ATP13A2: variants seen among roughly 807,000 people sequenced by gnomAD.
The protein encoded by ATP13A2 is polyamine-transporting ATPase 13A2.
ATP13A2 carries 83 observed loss-of-function variants against 138.3 expected under a neutral mutation model. That is an observed-to-expected ratio of 0.60 (90% CI 0.50 to 0.72). The LOEUF is 0.72. Ranked by LOEUF, ATP13A2 falls within the 30% of genes least tolerant of loss-of-function variation. The pLI is 0.00. For synonymous variants in ATP13A2, 663 were observed against 699.0 expected, an observed-to-expected ratio of 0.95 and a Z score of 0.81; for missense variants, 1,402 against 1,606.4, an observed-to-expected ratio of 0.87 and a Z score of 2.17.
chr1:16,986,490 G>A lies in ATP13A2; in HGVS notation c.3378C>T (p.Leu1126=), dbSNP rs773914880. 24 of 1,612,436 alleles carry A rather than the reference G, an allele frequency of 1.5e-5. No homozygotes were observed. In the African/African-American group the frequency reaches 2.0e-4, roughly 13 times the overall value. ...FKLLLLGLVT[L]NFVGAFMLES... Reference sequence around the variant, plus strand: ...CCAGCATGAAGGCCCCCACGAAGTTGAGGGTGACCAGACCCAGCAGCAGCA... The same window carrying A: ...CCAGCATGAAGGCCCCCACGAAGTTAAGGGTGACCAGACCCAGCAGCAGCA... Residue 1126 remains leucine (L), a synonymous_variant, in exon 28 of 29, where the codon CTC becomes CTT. Transcript: ENST00000326735. The surrounding 1 kb of genome is among the most constrained non-coding windows in gnomAD (Gnocchi z 6.9).
chr1:16,998,434 C>T (rs1319594091), intron 11 of ATP13A2, among the ~76,000 whole-genome samples: 1 of 152,042 alleles, frequency 6.6e-6, no homozygotes, highest in African/African-American at 2.4e-5. Context: ...TCGAACTCCT[C>T]ACCTCAGGCA....
chr1:17,000,479 T>C lies in ATP13A2; in HGVS notation c.761A>G (p.Asp254Gly), dbSNP rs1557704196. Reference sequence around the variant, plus strand: ...GCACAGGGCGTACCAGTAGTAGTGGTCAGCCAGCCACAGCGCGATGCTGAA... The same window carrying C: ...GCACAGGGCGTACCAGTAGTAGTGGCCAGCCAGCCACAGCGCGATGCTGAA... ...QAFSIALWLA[D>G]HYYWYALCIF... The change falls in exon 9 of 29, where the codon GAC becomes GGC. Residue 254 changes from aspartate to glycine, a missense_variant. Transcript: ENST00000326735. 2 of 1,613,984 alleles carry C rather than the reference T, an allele frequency of 1.2e-6. No individual in the cohort carries two copies. The highest frequency in any genetic ancestry group is 1.7e-6 in the Non-Finnish European group (2 of 1,179,960).
intron 20 of ATP13A2, 112 bp from the exon 21 acceptor site, chr1:16,990,399 C>T: frequency 1.4e-6 from 2 of 1,390,464 alleles, no homozygotes; most frequent in South Asian, 1.3e-5. Context: ...CCACCACCAG[C>T]CAAGTGAGCT....
chr1:17,000,383 C>A lies in ATP13A2; in HGVS notation c.840+17G>T. 6.2e-7 allele frequency: 1 copy of A among 1,607,602 alleles called. No individual in the cohort carries two copies. Among genetic ancestry groups the A allele is most frequent in the African/African-American group, 1.3e-5 (1 of 74,886 alleles). On this transcript the variant is annotated intron_variant, in intron 9 of 28. Transcript: ENST00000326735. ...GGGACCCACCTGTCCCGTCCCCACC[C>A]ACCTTATGGCACTCACCTTTCTGGT...
At chr1:16,988,255 A>G (rs762012587) in intron 24 of ATP13A2, 21 bp from the exon 25 acceptor site, 16 of 1,614,188 alleles carry the variant, frequency 9.9e-6, no homozygotes, top group Non-Finnish European at 1.4e-5. Flanking sequence ...GGGCACGGAC[A>G]TTAGGGGACC....
chr1:16,990,294 G>A lies in ATP13A2; in HGVS notation c.2252-7C>T. The stretch of plus-strand genomic sequence containing the variant: ...GCTGTCTGCAGGTTGTCCCCTGGGG[G>A]TTATGGGGCAAGGTGAGGGTCTGAG... On this transcript the variant is annotated splice_polypyrimidine_tract_variant and splice_region_variant and intron_variant, in intron 20 of 28. Coordinates refer to ENST00000326735, the MANE Select transcript of ATP13A2 (RefSeq NM_022089.4). 2 of 1,613,968 alleles carry A rather than the reference G, an allele frequency of 1.2e-6. No homozygotes were observed. Among genetic ancestry groups the A allele is most frequent in the South Asian group, 1.1e-5 (1 of 91,086 alleles).
intron 11 of ATP13A2, 49 bp downstream of exon 11, chr1:16,999,962 T>C (rs1408388810): frequency 6.4e-7 from 1 of 1,554,810 alleles, no homozygotes; most frequent in South Asian, 1.2e-5. Flanking sequence ...GGCAAAGGGT[T>C]GGATGGCAGG....
At chr1:16,997,462 T>C (rs1436494510) in intron 11 of ATP13A2, among the ~76,000 whole-genome samples, 1 of 125,512 alleles carries the variant, frequency 8.0e-6, no homozygotes, top group Non-Finnish European at 1.6e-5. Flanking sequence ...ATGTGTGCAG[T>C]GGGGCAGGGT....
rs1318096890 is a variant in ATP13A2 at position 17,004,784 on chromosome 1, G to A, written c.385C>T (p.Arg129Trp). The change falls in exon 5 of 29, where the codon CGG becomes TGG. Residue 129 changes from arginine (R) to tryptophan (W), a missense_variant. Physicochemically the swap from Arg to Trp is moderately radical, Grantham distance 101. Coordinates refer to ENST00000326735, the MANE Select transcript of ATP13A2 (RefSeq NM_022089.4). The surrounding 1 kb of genome is among the most constrained non-coding windows in gnomAD (Gnocchi z 4.1). The part of the protein sequence containing the change: ...PSPQSQAEDG[R>W]SQAAVGAVPE... Reference sequence around the variant, plus strand: ...ACCGCCCCAACTGCCGCCTGGCTCCGGCCATCCTCTGCCTGGGACTGTGGG... The same window carrying A: ...ACCGCCCCAACTGCCGCCTGGCTCCAGCCATCCTCTGCCTGGGACTGTGGG... 8.1e-6 allele frequency: 13 copies of A among 1,613,842 alleles called. No homozygotes were observed. The highest frequency in any genetic ancestry group is 6.7e-5 in the East Asian group (3 of 44,888).
chr1:16,994,294 G>A (rs985922691), intron 15 of ATP13A2, among the ~76,000 whole-genome samples: 4 of 151,790 alleles, frequency 2.6e-5, no homozygotes, highest in East Asian at 1.9e-4. Flanking sequence ...GTGCAGTGGC[G>A]CAATCTCAGT....
intron 20 of ATP13A2, 108 bp from the exon 21 acceptor site, chr1:16,990,395 C>T (rs2076889617): frequency 1.4e-6 from 2 of 1,426,110 alleles, no homozygotes; most frequent in Non-Finnish European, 1.9e-6. Context: ...TCTGCCACCA[C>T]CAGCCAAGTG....
chr1:16,994,013 G>A (rs567621544), intron 15 of ATP13A2, among the ~76,000 whole-genome samples, 178 bp from the exon 16 acceptor site: 57 of 152,122 alleles, frequency 3.7e-4, no homozygotes, highest in African/African-American at 1.4e-3. Flanking sequence ...CTCTGCTGGG[G>A]TCCCCCTCCC....
chr1:16,987,433 C>T (rs1216542982), intron 25 of ATP13A2, among the ~76,000 whole-genome samples, 164 bp from the exon 26 acceptor site: 2 of 152,190 alleles, frequency 1.3e-5, no homozygotes, highest in African/African-American at 4.8e-5. Context: ...GAGGAGGTGC[C>T]GCTCTTGATG....
Position 17,011,427 on chromosome 1 carries a change from G to T in ATP13A2, c.10+302C>A, listed in dbSNP as rs1390826973. 6.6e-6 allele frequency among the ~76,000 whole-genome samples: 1 copy of T among 152,186 alleles called. No individual in the cohort carries two copies. The highest frequency in any genetic ancestry group is 1.9e-4 in the East Asian group (1 of 5,176). On this transcript the variant is annotated intron_variant, in intron 1 of 28. Transcript: ENST00000326735. The surrounding 1 kb of genome is among the most constrained non-coding windows in gnomAD (Gnocchi z 7.3). ...GGGGTGGCCTCCCCGTCCCCGCACGGCCCCAGGACCCTCTTGCACAAGCGC... is the reference window on the plus strand; with the variant it reads ...GGGGTGGCCTCCCCGTCCCCGCACGTCCCCAGGACCCTCTTGCACAAGCGC...
intron 1 of ATP13A2, among the ~76,000 whole-genome samples, chr1:17,010,239 A>T (rs889164688): frequency 6.6e-6 from 1 of 152,032 alleles, no homozygotes; most frequent in African/African-American, 2.4e-5. Context: ...CACCACACTC[A>T]GCTAATTTTT....
chr1:16,993,082 A>G (rs2100799828), intron 16 of ATP13A2, among the ~76,000 whole-genome samples: 1 of 151,978 alleles, frequency 6.6e-6, no homozygotes, highest in East Asian at 1.9e-4. Flanking sequence ...GCACTTGGCT[A>G]ATTTTTGTAT....
At chr1:17,005,835 TA>T (rs1270545933) in intron 1 of ATP13A2, 57 bp from the exon 2 acceptor site, 2 of 1,506,170 alleles carry the variant, frequency 1.3e-6, no homozygotes, top group Admixed American at 1.9e-5. Context: ...CTTGCTTCCT[TA>T]AAAACAATAA....
rs573179357 is a variant in ATP13A2 at position 16,994,197 on chromosome 1, CATTT to C, written c.1543-366_1543-363del. Among the ~76,000 whole-genome samples, 350 of 147,410 alleles carry C rather than the reference CATTT, an allele frequency of 2.4e-3. 4 individuals carry two copies. Among genetic ancestry groups the C allele is most frequent in the African/African-American group, 7.4e-3 (301 of 40,590 alleles). On this transcript the variant is annotated intron_variant, in intron 15 of 28. Coordinates refer to ENST00000326735, the MANE Select transcript of ATP13A2 (RefSeq NM_022089.4). ...CACGGTTGGCTCGCTCTCTCTCTCT[CATTT>C]ATTTATTTATTTATTTATTTATTTT...
Position 16,997,422 on chromosome 1 carries a change from GGT to G in ATP13A2, c.1040-249_1040-248del, listed in dbSNP as rs1342159039. ...CAGCTCCCTGGAACCAGCGGGGGGGGGTGGGTCAGACAGAGCATGTGTGGGCA... is the reference window on the plus strand; with the variant it reads ...CAGCTCCCTGGAACCAGCGGGGGGGGGGGTCAGACAGAGCATGTGTGGGCA... On this transcript the variant is annotated intron_variant, in intron 11 of 28. Coordinates refer to ENST00000326735, the MANE Select transcript of ATP13A2 (RefSeq NM_022089.4). Among the ~76,000 whole-genome samples the G allele has an allele frequency of 9.0e-4, 119 of 131,542 alleles. 20 individuals are homozygous for G. Among genetic ancestry groups the G allele is most frequent in the African/African-American group, 3.4e-3 (112 of 33,134 alleles). The allele number at this position is 131,542 out of a possible 152,430, so 86.3% of individuals were successfully genotyped here.
Sources: allele counts gnomAD v4.1 joint callset (sites outside exome capture counted in the v4.1 genomes callset), GRCh38; gene constraint gnomAD v4.1.1; non-coding constraint Gnocchi (gnomAD v3.1); transcripts MANE v1.5; gene names NCBI Gene and HGNC (gene_info 2026-07-23, HGNC 2026-07-21).